The following TENM4 variants were observed in gnomAD, a reference collection of about 807,000 sequenced individuals.
TENM4 encodes the protein teneurin-4.
In TENM4, 82 loss-of-function variants were observed where a neutral mutation model predicts 243.3. The observed-to-expected ratio is 0.34, with a 90% CI of 0.28 to 0.40. The LOEUF (loss-of-function observed/expected upper bound fraction) is 0.40. TENM4 is among the 10% of genes least tolerant of loss of function. The pLI is 1.00. For missense variants in TENM4, 3,138 were observed against 3,673.3 expected (o/e 0.85, Z 3.77); for synonymous variants, 1,412 against 1,456.3 (o/e 0.97, Z 0.69).
intron 6 of TENM4, among the ~76,000 whole-genome samples, chr11:78,917,596 TTCCTGAAGTCCTC>T (rs1220257014): frequency 2.6e-5 from 4 of 152,150 alleles, no homozygotes; most frequent in African/African-American, 9.7e-5. Flanking sequence ...AAATTTTGTC[TTCCTGAAGTCCTC>T]TCCAAAGTGC....
chr11:78,703,361 G>T (rs1859154263), intron 27 of TENM4, among the ~76,000 whole-genome samples: 1 of 152,176 alleles, frequency 6.6e-6, no homozygotes, highest in African/African-American at 2.4e-5. Context: ...TGCACACTAA[G>T]GTTTATGAAG....
At chr11:78,877,351 G>GCA (rs1859293598) in intron 9 of TENM4, among the ~76,000 whole-genome samples, 1 of 152,120 alleles carries the variant, frequency 6.6e-6, no homozygotes, top group Non-Finnish European at 1.5e-5. Flanking sequence ...ACTTAAGTTT[G>GCA]GCCCCTTCCT....
intron 2 of TENM4, among the ~76,000 whole-genome samples, chr11:79,232,353 G>A (rs1170120428): frequency 6.6e-6 from 1 of 152,232 alleles, no homozygotes; most frequent in Non-Finnish European, 1.5e-5. Context: ...CTGGGGCAGA[G>A]TCTTCAGGCG....
intron 6 of TENM4, among the ~76,000 whole-genome samples, chr11:79,040,057 A>G (rs1859480523): frequency 6.6e-6 from 1 of 151,708 alleles, no homozygotes; most frequent in South Asian, 2.1e-4. Context: ...AGACTTCTAT[A>G]AAAAGCCACC....
At chr11:78,699,562 C>T (rs1262731481) in intron 28 of TENM4, among the ~76,000 whole-genome samples, 1 of 152,192 alleles carries the variant, frequency 6.6e-6, no homozygotes, top group Admixed American at 6.5e-5. Flanking sequence ...TTATCTACCA[C>T]TTCTGGTTTG....
chr11:79,326,997 T>C (rs1856984914), intron 1 of TENM4, among the ~76,000 whole-genome samples: 1 of 152,228 alleles, frequency 6.6e-6, no homozygotes. Flanking sequence ...TTTTTCTCTC[T>C]CCCTTTAATG....
chr11:79,237,934 G>A (rs1486821444), intron 2 of TENM4, among the ~76,000 whole-genome samples: 2 of 152,026 alleles, frequency 1.3e-5, no homozygotes, highest in Admixed American at 6.6e-5. Context: ...CTGTCCAGAT[G>A]TACAAAGAGA....
At chr11:78,899,358 C>T (rs930334934) in intron 7 of TENM4, among the ~76,000 whole-genome samples, 3 of 151,942 alleles carry the variant, frequency 2.0e-5, no homozygotes, top group Middle Eastern at 3.4e-3. Context: ...TTTGGGAGGC[C>T]GAGGCAGGAG....
chr11:78,694,211 A>C (rs995887436), intron 28 of TENM4, among the ~76,000 whole-genome samples: 1 of 152,244 alleles, frequency 6.6e-6, no homozygotes, highest in African/African-American at 2.4e-5. Context: ...CTTTTCGGTT[A>C]AAAAATAAGA....
At chr11:79,179,349 A>G (rs915886823) in intron 3 of TENM4, among the ~76,000 whole-genome samples, 2 of 152,204 alleles carry the variant, frequency 1.3e-5, no homozygotes, top group Admixed American at 6.5e-5. Context: ...AGCCACAACC[A>G]CTTATTTGCA....
In TENM4 at chr11:78,821,779, G is replaced by C. The variant is rs114616130; in HGVS notation, c.1682-7384C>G. ...GGTGAAATAAGGACTTTGTTTTGTG[G>C]CCCTAATAGGTTGACCAGGGTCCAG... On this transcript the variant is annotated intron_variant, in intron 12 of 33. Coordinates refer to ENST00000278550, the MANE Select transcript of TENM4 (RefSeq NM_001098816.3). Among the ~76,000 whole-genome samples the C allele has an allele frequency of 4.4e-3, 675 of 152,304 alleles. 9 individuals carry two copies. The highest frequency in any genetic ancestry group is 0.016 in the African/African-American group (653 of 41,576).
chr11:79,275,226 G>GGTGT (rs756371184), intron 2 of TENM4, among the ~76,000 whole-genome samples: 2,208 of 143,476 alleles, frequency 0.015, 63 homozygotes, highest in African/African-American at 0.055. Context: ...GTGTGAGCGG[G>GGTGT]GTGTGTGTGT....
chr11:79,069,902 G>T lies in TENM4; in HGVS notation c.43C>A (p.Arg15Ser). 6.5e-7 allele frequency: 1 copy of T among 1,547,792 alleles called. No individual in the cohort carries two copies. The highest frequency in any genetic ancestry group is 8.7e-7 in the Non-Finnish European group (1 of 1,146,670). Residue 15 changes from arginine (R) to serine (S), a missense_variant, in exon 5 of 34, where the codon CGC (arginine) becomes AGC (serine). This residue lies in a region of TENM4 where 671 missense variants were observed against 614.1 expected (regional missense o/e 1.09). Transcript: ENST00000278550. Reference sequence around the variant, plus strand: ...GTGTAGCGGCGCTCGGCGTCGCGGCGCCGGGTCAGCGAGCGGTAAGGCTTC... The same window carrying T: ...GTGTAGCGGCGCTCGGCGTCGCGGCTCCGGGTCAGCGAGCGGTAAGGCTTC... ...ERKPYRSLTRRRDAERRYTSS... is the reference protein window; with the variant it reads ...ERKPYRSLTRSRDAERRYTSS...
intron 1 of TENM4, among the ~76,000 whole-genome samples, chr11:79,410,168 A>G (rs1390739273): frequency 6.6e-6 from 1 of 152,136 alleles, no homozygotes; most frequent in Non-Finnish European, 1.5e-5. Flanking sequence ...TTGCTCTATT[A>G]GCTTCCCTTC....
At chr11:79,366,044 G>A (rs1857670072) in intron 1 of TENM4, among the ~76,000 whole-genome samples, 1 of 152,154 alleles carries the variant, frequency 6.6e-6, no homozygotes, top group Non-Finnish European at 1.5e-5. Flanking sequence ...GTAAGCTAGT[G>A]GCTATCATGC....
intron 19 of TENM4, among the ~76,000 whole-genome samples, chr11:78,755,928 G>A (rs1185330971): frequency 6.6e-6 from 1 of 152,130 alleles, no homozygotes; most frequent in Non-Finnish European, 1.5e-5. Context: ...CTGCACATAT[G>A]AGGCACCACT....
chr11:79,276,636 T>C (rs1040298263), intron 2 of TENM4, among the ~76,000 whole-genome samples: 1 of 152,124 alleles, frequency 6.6e-6, no homozygotes, highest in African/African-American at 2.4e-5. Context: ...TTGGATCCCA[T>C]CTTGGAGTAG....
At chr11:78,673,320 T>C (rs1238451231) in intron 30 of TENM4, among the ~76,000 whole-genome samples, 1 of 152,256 alleles carries the variant, frequency 6.6e-6, no homozygotes, top group Non-Finnish European at 1.5e-5. Flanking sequence ...ACTAAAATAC[T>C]GGTTTCCGCT....
At chr11:78,985,475 G>A (rs1290884287) in intron 6 of TENM4, among the ~76,000 whole-genome samples, 3 of 152,076 alleles carry the variant, frequency 2.0e-5, no homozygotes, top group African/African-American at 7.2e-5. Flanking sequence ...TGACCTGATA[G>A]GCGTAAAATA....
Sources: gnomAD v4.1 joint callset for allele counts (sites outside exome capture counted in the v4.1 genomes callset) on GRCh38, gnomAD v4.1.1 for gene constraint, gnomAD v4.1.1 regional missense constraint, MANE v1.5 for transcripts, NCBI Gene and HGNC (gene_info 2026-07-23, HGNC 2026-07-21) for gene names.